Variants in CCSER1 observed in about 807,000 individuals in gnomAD.
CCSER1 encodes the protein coiled-coil serine rich protein 1.
In CCSER1, 41 loss-of-function variants were observed where a neutral mutation model predicts 82.0. The observed-to-expected ratio is 0.50, with a 90% CI of 0.39 to 0.65. CCSER1 has a LOEUF of 0.65. CCSER1 is among the 30% of genes least tolerant of loss of function. CCSER1 has a pLI of 0.00. For missense variants in CCSER1, 1,119 were observed against 1,064.2 expected (o/e 1.05, Z -0.72); for synonymous variants, 414 against 383.9 (o/e 1.08, Z -0.92).
At chr4:90,409,882 A>G (rs2153553566) in intron 4 of CCSER1, among the ~76,000 whole-genome samples, 1 of 152,298 alleles carries the variant, frequency 6.6e-6, no homozygotes, top group East Asian at 1.9e-4. Context: ...TATTCAGGAA[A>G]CCCATCTCAT....
intron 3 of CCSER1, among the ~76,000 whole-genome samples, chr4:90,397,213 A>G (rs1752078168): frequency 1.3e-5 from 2 of 152,186 alleles, no homozygotes; most frequent in Admixed American, 1.3e-4. Context: ...ACCAGTGGCA[A>G]ATGGAACCCT....
intron 9 of CCSER1, among the ~76,000 whole-genome samples, chr4:91,055,442 T>A (rs1266722227): frequency 6.6e-6 from 1 of 152,176 alleles, no homozygotes; most frequent in Non-Finnish European, 1.5e-5. Context: ...GTCTTGTTTT[T>A]CTTTCAGTAT....
intron 9 of CCSER1, among the ~76,000 whole-genome samples, chr4:91,045,473 C>A (rs1742369563): frequency 7.7e-6 from 1 of 130,558 alleles, no homozygotes; most frequent in Non-Finnish European, 1.8e-5. Flanking sequence ...TCTTCATTAT[C>A]CCTTAACAAT....
intron 10 of CCSER1, among the ~76,000 whole-genome samples, chr4:91,238,388 G>A (rs900738700): frequency 6.6e-6 from 1 of 152,154 alleles, no homozygotes; most frequent in Non-Finnish European, 1.5e-5. Context: ...TTTTCCCAAA[G>A]ACATGAGGAT....
chr4:90,342,407 C>T (rs1480185415), intron 3 of CCSER1, among the ~76,000 whole-genome samples: 1 of 152,190 alleles, frequency 6.6e-6, no homozygotes, highest in African/African-American at 2.4e-5. Context: ...CAGACATTGA[C>T]TATCCTCACC....
intron 6 of CCSER1, among the ~76,000 whole-genome samples, chr4:90,635,781 A>T (rs1374304895): frequency 6.6e-6 from 1 of 151,878 alleles, no homozygotes; most frequent in Non-Finnish European, 1.5e-5. Context: ...AATGTTCCCA[A>T]CACAAAGAAA....
intron 10 of CCSER1, among the ~76,000 whole-genome samples, chr4:91,148,787 A>C (rs1729811673): frequency 6.6e-6 from 1 of 152,186 alleles, no homozygotes; most frequent in African/African-American, 2.4e-5. Context: ...TTCTAGCTTC[A>C]TCCATGTCCC....
rs913008081 is a variant in CCSER1 at position 90,249,009 on chromosome 4, A to C, written c.-41-59235A>C. Among the ~76,000 whole-genome samples, 6 of 152,222 alleles carry C rather than the reference A, an allele frequency of 3.9e-5. No individual in the cohort carries two copies. The Middle Eastern group carries it at 0.01, about 259-fold the overall frequency. ...ACAATGCCTGGCCAGAATTTTTAAAATCTTAATTATTTTTGTTGAGTCATA... is the reference window on the plus strand; with the variant it reads ...ACAATGCCTGGCCAGAATTTTTAAACTCTTAATTATTTTTGTTGAGTCATA... On this transcript the variant is annotated intron_variant, in intron 1 of 10. Coordinates refer to ENST00000509176, the MANE Select transcript of CCSER1 (RefSeq NM_001145065.2).
chr4:90,837,669 T>C (rs1046422000), intron 8 of CCSER1, among the ~76,000 whole-genome samples: 2 of 152,092 alleles, frequency 1.3e-5, no homozygotes, highest in African/African-American at 4.8e-5. Flanking sequence ...TTCTAAGACA[T>C]TGGAAGAGTT....
At chr4:91,115,414 T>C (rs13131831) in intron 10 of CCSER1, among the ~76,000 whole-genome samples, 99,243 of 151,730 alleles carry the variant, frequency 0.65, 32,910 homozygotes, top group East Asian at 0.95. Flanking sequence ...GCAACCTCCA[T>C]CTCCCACATT....
intron 7 of CCSER1, among the ~76,000 whole-genome samples, chr4:90,756,215 G>A (rs1260147893): frequency 6.6e-6 from 1 of 152,052 alleles, no homozygotes; most frequent in Admixed American, 6.6e-5. Context: ...GTGACAGAGC[G>A]AGACTCTGTC....
chr4:90,949,368 T>G (rs541356732), intron 9 of CCSER1, among the ~76,000 whole-genome samples: 1 of 152,148 alleles, frequency 6.6e-6, no homozygotes, highest in African/African-American at 2.4e-5. Context: ...AATAAATACC[T>G]AACTTGCAAG....
At chr4:91,217,071 G>C (rs190924697) in intron 10 of CCSER1, among the ~76,000 whole-genome samples, 1 of 152,092 alleles carries the variant, frequency 6.6e-6, no homozygotes, top group Admixed American at 6.6e-5. Flanking sequence ...AGATGTGTTC[G>C]TAGTTTCTTC....
At chr4:91,197,124 C>T (rs1299300303) in intron 10 of CCSER1, among the ~76,000 whole-genome samples, 1 of 152,184 alleles carries the variant, frequency 6.6e-6, no homozygotes, top group Non-Finnish European at 1.5e-5. Flanking sequence ...GGGGCAGTGT[C>T]GTTCAGCAAT....
At chr4:91,587,222 C>T (rs73836253) in intron 10 of CCSER1, among the ~76,000 whole-genome samples, 15,000 of 151,646 alleles carry the variant, frequency 0.099, 758 homozygotes, top group Middle Eastern at 0.16. Flanking sequence ...ATAACTACCA[C>T]CTCTGTGACC....
intron 6 of CCSER1, among the ~76,000 whole-genome samples, chr4:90,712,070 A>G (rs1740712913): frequency 7.7e-6 from 1 of 129,750 alleles, no homozygotes; most frequent in African/African-American, 3.2e-5. Flanking sequence ...TGGTCTATCT[A>G]TGCTATTAAT....
intron 4 of CCSER1, among the ~76,000 whole-genome samples, chr4:90,446,717 C>T (rs1329905357): frequency 6.6e-6 from 1 of 152,144 alleles, no homozygotes; most frequent in East Asian, 1.9e-4. Context: ...CACTTGTGTA[C>T]AGATTTTCCT....
intron 8 of CCSER1, among the ~76,000 whole-genome samples, chr4:90,913,790 G>T (rs950180885): frequency 6.7e-6 from 1 of 148,566 alleles, no homozygotes; most frequent in Non-Finnish European, 1.5e-5. Flanking sequence ...TAAAGGGATG[G>T]AGGAAGAGCT....
In CCSER1 at chr4:91,464,860, C is replaced by A. The variant is rs187664466; in HGVS notation, c.2218-133712C>A. ...GAACACCCAGATTCATAAAGCAAGT[C>A]GTTAGAGACCTACAAAGAGACTTAG... On this transcript the variant is annotated intron_variant, in intron 10 of 10. Transcript: ENST00000509176. 2.0e-5 allele frequency among the ~76,000 whole-genome samples: 3 copies of A among 152,098 alleles called. No individual in the cohort carries two copies. In the East Asian group the frequency reaches 5.8e-4, roughly 29 times the overall value.
Sources: gnomAD v4.1 joint callset for allele counts (sites outside exome capture counted in the v4.1 genomes callset) on GRCh38, gnomAD v4.1.1 for gene constraint, MANE v1.5 for transcripts, NCBI Gene and HGNC (gene_info 2026-07-23, HGNC 2026-07-21) for gene names.